The following SLC24A4 variants were observed in gnomAD, a reference collection of about 807,000 sequenced individuals.
The protein encoded by SLC24A4 is sodium/potassium/calcium exchanger 4.
In SLC24A4, 53 loss-of-function variants were observed where a neutral mutation model predicts 79.0. The ratio of observed to expected loss-of-function variants is 0.67; its 90% CI spans 0.54 to 0.84. The LOEUF (loss-of-function observed/expected upper bound fraction) is 0.84. Among genes scored for constraint, SLC24A4 ranks in the 40% least tolerant of loss-of-function variants. The pLI is 0.00. For synonymous variants in SLC24A4, 323 were observed against 323.8 expected (o/e 1.00, Z 0.03); for missense variants, 731 against 822.0 (o/e 0.89, Z 1.35).
At chr14:92,400,819 T>A (rs1312411364) in intron 2 of SLC24A4, among the ~76,000 whole-genome samples, 2 of 152,242 alleles carry the variant, frequency 1.3e-5, no homozygotes, top group African/African-American at 4.8e-5. Flanking sequence ...ATTGGTGTTT[T>A]GTGGGAGATG....
intron 2 of SLC24A4, among the ~76,000 whole-genome samples, chr14:92,336,949 G>A (rs1885844078): frequency 1.3e-5 from 2 of 152,164 alleles, no homozygotes; most frequent in Admixed American, 1.3e-4. Flanking sequence ...CAACCACTGT[G>A]TCTTGCTCAT....
At chr14:92,374,422 C>T (rs1416168486) in intron 2 of SLC24A4, among the ~76,000 whole-genome samples, 1 of 152,206 alleles carries the variant, frequency 6.6e-6, no homozygotes, top group African/African-American at 2.4e-5. Flanking sequence ...GGTATGCGAA[C>T]AGTCAGTCTC....
chr14:92,443,783 T>C (rs1595290357), intron 7 of SLC24A4, among the ~76,000 whole-genome samples: 2 of 152,228 alleles, frequency 1.3e-5, no homozygotes, highest in African/African-American at 4.8e-5. Context: ...GGTCCTCTGC[T>C]GGGCTGTAGT....
chr14:92,365,175 G>A lies in SLC24A4; in HGVS notation c.241+39197G>A, dbSNP rs560821648. Among the ~76,000 whole-genome samples, 58 of 152,376 alleles carry A rather than the reference G, an allele frequency of 3.8e-4. No individual in the cohort carries two copies. The East Asian group carries it at 4.0e-3, about 11-fold the overall frequency. ...CCTCAGGCCTGTCTCCAGAGCGCCCGGAGGGCAAGGACTGTGTGCCGTCGT... is the reference window on the plus strand; with the variant it reads ...CCTCAGGCCTGTCTCCAGAGCGCCCAGAGGGCAAGGACTGTGTGCCGTCGT... On this transcript the variant is annotated intron_variant, in intron 2 of 16. Coordinates refer to ENST00000532405, the MANE Select transcript of SLC24A4 (RefSeq NM_153646.4).
At chr14:92,348,590 C>T (rs1595147065) in intron 2 of SLC24A4, among the ~76,000 whole-genome samples, 1 of 152,226 alleles carries the variant, frequency 6.6e-6, no homozygotes, top group East Asian at 1.9e-4. Context: ...ACACTGCCCA[C>T]CATCAGAAAT....
intron 2 of SLC24A4, among the ~76,000 whole-genome samples, chr14:92,411,059 G>A (rs557409112): frequency 5.3e-5 from 8 of 152,142 alleles, no homozygotes; most frequent in South Asian, 2.1e-4. Flanking sequence ...TGACAATCAC[G>A]CCTCTGGCCC....
chr14:92,433,287 A>G (rs1891975537), intron 2 of SLC24A4, among the ~76,000 whole-genome samples: 1 of 152,212 alleles, frequency 6.6e-6, no homozygotes, highest in Non-Finnish European at 1.5e-5. Context: ...TTATTCCTCT[A>G]TTACTGAGCA....
chr14:92,374,288 C>G (rs537616283), intron 2 of SLC24A4, among the ~76,000 whole-genome samples: 1 of 152,300 alleles, frequency 6.6e-6, no homozygotes, highest in South Asian at 2.1e-4. Flanking sequence ...GGTGTGGTTC[C>G]CACTCATTCG....
At chr14:92,333,750 G>A (rs1377810777) in intron 2 of SLC24A4, among the ~76,000 whole-genome samples, 2 of 152,082 alleles carry the variant, frequency 1.3e-5, no homozygotes, top group African/African-American at 4.8e-5. Flanking sequence ...TCTGTGATCA[G>A]CTTGCTTCTG....
In SLC24A4 at chr14:92,484,805, G is replaced by A. The variant is rs189030177; in HGVS notation, c.1423-1861G>A. On this transcript the variant is annotated intron_variant, in intron 13 of 16. Transcript: ENST00000532405. ...TAGACTGTGTCAGAAGCATCCAGTC[G>A]TTAGCCGCTTATTGAAACCAACAGC... 6.3e-5 allele frequency: 62 copies of A among 985,378 alleles called. No homozygotes were observed. The East Asian group carries it at 1.2e-3, about 20-fold the overall frequency. 61.0% of individuals were successfully genotyped at this position (985,378 alleles called of 1,614,324 possible).
chr14:92,415,529 C>T (rs989755521), intron 2 of SLC24A4, among the ~76,000 whole-genome samples: 1 of 152,188 alleles, frequency 6.6e-6, no homozygotes, highest in Non-Finnish European at 1.5e-5. Flanking sequence ...ATGATCTCAG[C>T]TCACTGCAAC....
At chr14:92,416,122 GGT>G (rs34411259) in intron 2 of SLC24A4, among the ~76,000 whole-genome samples, 19,343 of 147,462 alleles carry the variant, frequency 0.13, 1,449 homozygotes, top group African/African-American at 0.22. Flanking sequence ...TTGTGTGTGT[GGT>G]GTGTGTGTGT....
At chr14:92,477,286 T>C (rs1347045392) in intron 12 of SLC24A4, among the ~76,000 whole-genome samples, 3 of 152,228 alleles carry the variant, frequency 2.0e-5, no homozygotes, top group Admixed American at 6.5e-5. Flanking sequence ...GAGAACTGTC[T>C]ATTCAAACAC....
chr14:92,372,040 T>TTA (rs1888198855), intron 2 of SLC24A4, among the ~76,000 whole-genome samples: 1 of 152,170 alleles, frequency 6.6e-6, no homozygotes, highest in African/African-American at 2.4e-5. Context: ...CCTGACCTAG[T>TTA]ATGGATGTGG....
rs561801291 is a variant in SLC24A4, at chr14:92,463,989, T to C, written c.1255+7381T>C. 9.6e-4 allele frequency among the ~76,000 whole-genome samples: 146 copies of C among 152,314 alleles called. 1 individual carries two copies. Among genetic ancestry groups the C allele is most frequent in the African/African-American group, 3.5e-3 (146 of 41,570 alleles). On this transcript the variant is annotated intron_variant, in intron 12 of 16. Coordinates refer to ENST00000532405, the MANE Select transcript of SLC24A4 (RefSeq NM_153646.4). Reference sequence around the variant, plus strand: ...TACTATGTGTTGGTACTTTATTCCTTTTTATGGCTGAATATTCCATTGGAT... The same window carrying C: ...TACTATGTGTTGGTACTTTATTCCTCTTTATGGCTGAATATTCCATTGGAT...
At chr14:92,325,501 A>G (rs537358677) in intron 1 of SLC24A4, among the ~76,000 whole-genome samples, 3 of 152,308 alleles carry the variant, frequency 2.0e-5, no homozygotes, top group Admixed American at 6.5e-5. Context: ...CTGACTTGCT[A>G]TTCATTCGTG....
At chr14:92,459,953 T>C (rs1372424692) in intron 12 of SLC24A4, among the ~76,000 whole-genome samples, 2 of 152,056 alleles carry the variant, frequency 1.3e-5, no homozygotes, top group African/African-American at 4.8e-5. Flanking sequence ...TGAGGGTGTT[T>C]CTTAGGGGTG....
intron 11 of SLC24A4, among the ~76,000 whole-genome samples, chr14:92,455,690 T>C (rs914659586): frequency 6.6e-6 from 1 of 151,996 alleles, no homozygotes; most frequent in African/African-American, 2.4e-5. Context: ...ATGTAAAACA[T>C]CATTAATCTG....
intron 10 of SLC24A4, chr14:92,452,539 G>C (rs1484544946): frequency 6.6e-6 from 1 of 151,938 alleles, no homozygotes; most frequent in Non-Finnish European, 1.5e-5. Flanking sequence ...TGGCATCTTC[G>C]CCACCACCAA....
Sources: allele counts gnomAD v4.1 joint callset (sites outside exome capture counted in the v4.1 genomes callset), GRCh38; gene constraint gnomAD v4.1.1; transcripts MANE v1.5; gene names NCBI Gene and HGNC (gene_info 2026-07-23, HGNC 2026-07-21).